NINL: variants seen among roughly 807,000 people sequenced by gnomAD.
The protein encoded by NINL is ninein like, also known as ninein-like protein.
Under a neutral mutation model 160.3 loss-of-function variants are expected in NINL, and 153 were observed. The ratio of observed to expected loss-of-function variants is 0.95; its 90% confidence interval spans 0.84 to 1.09. The LOEUF (loss-of-function observed/expected upper bound fraction) is 1.09. Ranked by LOEUF, NINL falls within the 50% of genes least tolerant of loss-of-function variation. The pLI, the probability that NINL is intolerant of heterozygous loss-of-function variation, is 0.00. For synonymous variants in NINL, 800 were observed against 734.8 expected, an observed-to-expected ratio of 1.09 and a Z score of -1.43; for missense variants, 1,829 against 1,764.0, an observed-to-expected ratio of 1.04 and a Z score of -0.66.
rs2063331009 is a variant in NINL, at chr20:25,479,103, C to T, written c.2021G>A (p.Gly674Asp). 1 of 1,613,642 alleles carries T rather than the reference C, an allele frequency of 6.2e-7. No homozygotes were observed. Among genetic ancestry groups the T allele is most frequent in the South Asian group, 1.1e-5 (1 of 91,090 alleles). ...ARRREVSVLE[G>D]QKADLEELHE... ...GAGCTCCTCCAGGTCGGCCTTCTGA[C>T]CCTCCAGCACGCTGACCTCGCGCCT... Residue 674 changes from glycine (G) to aspartate (D), a missense_variant, in exon 16 of 24, where the codon GGT (glycine) becomes GAT (aspartate). Coordinates refer to ENST00000278886, the MANE Select transcript of NINL (RefSeq NM_025176.6).
Position 25,523,602 on chromosome 20 carries a change from T to C in NINL, c.180+2806A>G, listed in dbSNP as rs534295366. Among the ~76,000 whole-genome samples, 10 of 152,046 alleles carry C rather than the reference T, an allele frequency of 6.6e-5. No homozygotes were observed. In the East Asian group the frequency reaches 1.9e-3, roughly 30 times the overall value. ...TATCAGTAACGTTTATATAATATCA[T>C]ATATGATAGTTACTACAAGGACTGG... On this transcript the variant is annotated intron_variant, in intron 2 of 23. Transcript: ENST00000278886.
intron 1 of NINL, chr20:25,540,019 T>C (rs1169696218): frequency 2.3e-6 from 3 of 1,288,456 alleles, no homozygotes; most frequent in African/African-American, 1.5e-5. Context: ...ACACACTGTT[T>C]ACCTGCGCAG....
At chr20:25,574,834 T>C (rs1007261413) in intron 1 of NINL, among the ~76,000 whole-genome samples, 1 of 152,100 alleles carries the variant, frequency 6.6e-6, no homozygotes, top group Non-Finnish European at 1.5e-5. Context: ...GCAAAGCTCC[T>C]AGGAGTCTTC....
chr20:25,561,708 G>A (rs538150412), intron 1 of NINL, among the ~76,000 whole-genome samples: 27 of 149,948 alleles, frequency 1.8e-4, no homozygotes, highest in South Asian at 1.1e-3. Context: ...TGTGAGGAGC[G>A]CCTCGGCCCG....
At chr20:25,469,054 A>C (rs2063012358) in intron 18 of NINL, among the ~76,000 whole-genome samples, 2 of 107,488 alleles carry the variant, frequency 1.9e-5, no homozygotes, top group East Asian at 2.9e-4. Flanking sequence ...CTGTCCCCCA[A>C]CTCTCACTGG....
chr20:25,566,999 A>G (rs779134362), intron 1 of NINL, among the ~76,000 whole-genome samples: 3 of 151,718 alleles, frequency 2.0e-5, no homozygotes, highest in Admixed American at 2.0e-4. Flanking sequence ...TCTAAAAATT[A>G]GCCAGGCATG....
intron 19 of NINL, among the ~76,000 whole-genome samples, chr20:25,464,285 C>G (rs1208464504): frequency 6.6e-6 from 1 of 152,120 alleles, no homozygotes; most frequent in Non-Finnish European, 1.5e-5. Flanking sequence ...GGCTTGGTGG[C>G]ACATGCCTGT....
intron 21 of NINL, among the ~76,000 whole-genome samples, chr20:25,460,776 G>A (rs1205393089): frequency 6.6e-6 from 1 of 152,152 alleles, no homozygotes; most frequent in Non-Finnish European, 1.5e-5. Flanking sequence ...CGCCGGGGGG[G>A]ACCAGGTGCA....
Position 25,502,230 on chromosome 20 carries a change from C to T in NINL, c.862-1220G>A, listed in dbSNP as rs141437251. Among the ~76,000 whole-genome samples the T allele has an allele frequency of 1.4e-3, 207 of 152,284 alleles. 1 individual carries two copies. The highest frequency in any genetic ancestry group is 4.7e-3 in the African/African-American group (195 of 41,544). On this transcript the variant is annotated intron_variant, in intron 7 of 23. Transcript: ENST00000278886. Reference sequence around the variant, plus strand: ...CTCCTGACCTCAAATGATCCGCCCGCCTTGGCCTCCCAAAGTGCTGGTATT... The same window carrying T: ...CTCCTGACCTCAAATGATCCGCCCGTCTTGGCCTCCCAAAGTGCTGGTATT...
chr20:25,542,006 T>C (rs185030301), intron 1 of NINL, among the ~76,000 whole-genome samples: 2 of 152,206 alleles, frequency 1.3e-5, no homozygotes, highest in Non-Finnish European at 2.9e-5. Context: ...CAGATCCTTA[T>C]GGGCCTGCTA....
intron 14 of NINL, 55 bp from the exon 15 acceptor site, chr20:25,480,322 T>C: frequency 3.0e-6 from 4 of 1,322,676 alleles, no homozygotes; most frequent in Non-Finnish European, 4.3e-6. Flanking sequence ...CGGGGGCCCC[T>C]TCCAAACCTT....
In NINL at chr20:25,503,862, T is replaced by C. The variant is rs1439334205; in HGVS notation, c.861+90A>G. The C allele has an allele frequency of 2.7e-6, 4 of 1,485,362 alleles. No individual in the cohort carries two copies. The African/African-American group carries it at 4.1e-5, about 15-fold the overall frequency. 92.0% of individuals were successfully genotyped at this position (1,485,362 alleles called of 1,614,324 possible). On this transcript the variant is annotated intron_variant, in intron 7 of 23. Transcript: ENST00000278886. ...AGTTCTTGGACAGCTTGTTGTGTGG[T>C]GACACAGGCAGGGAGGGAGTCAGCA...
At chr20:25,509,355 C>G (rs2064024615) in intron 5 of NINL, among the ~76,000 whole-genome samples, 1 of 152,184 alleles carries the variant, frequency 6.6e-6, no homozygotes, top group African/African-American at 2.4e-5. Context: ...AACAGAGGCC[C>G]CAGATGCAAT....
chr20:25,470,212 A>G (rs2063062805), intron 17 of NINL, 117 bp from the exon 18 acceptor site: 1 of 748,796 alleles, frequency 1.3e-6, no homozygotes, highest in Non-Finnish European at 2.3e-6. Context: ...CCGTCCCTGG[A>G]GGTGGCGCCA....
intron 8 of NINL, chr20:25,498,953 G>A (rs1244657758): frequency 3.0e-6 from 3 of 985,360 alleles, no homozygotes; most frequent in Non-Finnish European, 2.4e-6. Context: ...CACACCCTAA[G>A]ACCCTCAGCT....
At chr20:25,546,212 G>A (rs1325367278) in intron 1 of NINL, among the ~76,000 whole-genome samples, 1 of 152,138 alleles carries the variant, frequency 6.6e-6, no homozygotes, top group Non-Finnish European at 1.5e-5. Context: ...TTTACAGTTT[G>A]GGTTTTCCAT....
rs772539928 is a variant in NINL at position 25,512,907 on chromosome 20, C to A, written c.377G>T (p.Arg126Leu). Reference sequence around the variant, plus strand: ...GGCCTGGGTTTGCTGCTCCGGCACGCGTCTGGCTTCTGTGGCAGCGTCACA... The same window carrying A: ...GGCCTGGGTTTGCTGCTCCGGCACGAGTCTGGCTTCTGTGGCAGCGTCACA... Reference protein sequence around the residue: ...ELCDAATEARRVPEQQTQASL... With the variant: ...ELCDAATEARLVPEQQTQASL... The change falls in exon 4 of 24, where the codon CGC becomes CTC. Residue 126 changes from arginine to leucine, a missense_variant. Physicochemically the swap from Arg to Leu is moderately radical, Grantham distance 102 (BLOSUM62 -2). Transcript: ENST00000278886. The A allele has an allele frequency of 1.2e-6, 2 of 1,614,220 alleles. No individual in the cohort carries two copies. Among genetic ancestry groups the A allele is most frequent in the Admixed American group, 1.7e-5 (1 of 60,030 alleles).
At chr20:25,478,201 T>A (rs2063308689) in intron 16 of NINL, among the ~76,000 whole-genome samples, 1 of 152,132 alleles carries the variant, frequency 6.6e-6, no homozygotes, top group Non-Finnish European at 1.5e-5. Flanking sequence ...TTACCCGCCT[T>A]GGCCTCCCAA....
rs777905927 is a variant in NINL at position 25,476,857 on chromosome 20, C to A, written c.2434G>T (p.Ala812Ser). 1.9e-6 allele frequency: 3 copies of A among 1,613,448 alleles called. No homozygotes were observed. Among genetic ancestry groups the A allele is most frequent in the Non-Finnish European group, 2.5e-6 (3 of 1,179,918 alleles). Residue 812 changes from alanine to serine, a missense_variant, in exon 17 of 24, where the codon GCC becomes TCC. By Grantham distance (99) the Ala-to-Ser change is moderately conservative. Transcript: ENST00000278886. Reference protein sequence around the residue: ...LALEEEELELARGKRVDGPSL... With the variant: ...LALEEEELELSRGKRVDGPSL... Reference sequence around the variant, plus strand: ...GGCCCGTCCACTCGCTTCCCGCGGGCAAGCTCCAACTCCTCCTCCTCGAGG... The same window carrying A: ...GGCCCGTCCACTCGCTTCCCGCGGGAAAGCTCCAACTCCTCCTCCTCGAGG...
Sources: allele counts gnomAD v4.1 joint callset (sites outside exome capture counted in the v4.1 genomes callset), GRCh38; gene constraint gnomAD v4.1.1; transcripts MANE v1.5; gene names NCBI Gene and HGNC (gene_info 2026-07-23, HGNC 2026-07-21).